Variants in CACNA2D3 observed in about 807,000 individuals in gnomAD.
CACNA2D3 encodes the protein voltage-dependent calcium channel subunit alpha-2/delta-3.
A neutral mutation model predicts 160.6 loss-of-function variants in CACNA2D3; 60 were observed. The ratio of observed to expected loss-of-function variants is 0.37; its 90% confidence interval spans 0.30 to 0.46. The LOEUF (loss-of-function observed/expected upper bound fraction) is 0.46. Among genes scored for constraint, CACNA2D3 ranks in the 20% least tolerant of loss-of-function variants. CACNA2D3 has a pLI of 1.00. For synonymous variants in CACNA2D3, 558 were observed against 492.9 expected (o/e 1.13, Z -1.75); for missense variants, 1,205 against 1,365.0 (o/e 0.88, Z 1.85).
At chr3:54,416,869 A>G (rs1699762471) in intron 4 of CACNA2D3, among the ~76,000 whole-genome samples, 1 of 152,214 alleles carries the variant, frequency 6.6e-6, no homozygotes, top group East Asian at 1.9e-4. Context: ...ACACAGATCT[A>G]TGCTTATAAA....
chr3:54,685,722 T>C (rs979806433), intron 11 of CACNA2D3, among the ~76,000 whole-genome samples: 1 of 152,194 alleles, frequency 6.6e-6, no homozygotes, highest in African/African-American at 2.4e-5. Flanking sequence ...GGCTAGCTAT[T>C]AGTACAGACA....
chr3:54,127,673 T>C (rs1699621982), intron 2 of CACNA2D3, among the ~76,000 whole-genome samples: 1 of 152,252 alleles, frequency 6.6e-6, no homozygotes, highest in Non-Finnish European at 1.5e-5. Flanking sequence ...ATAGCATTAC[T>C]TTAAATACTG....
chr3:54,695,920 A>T (rs1700656155), intron 11 of CACNA2D3, among the ~76,000 whole-genome samples: 1 of 152,186 alleles, frequency 6.6e-6, no homozygotes, highest in African/African-American at 2.4e-5. Context: ...AAGTCAGATG[A>T]TCAGATATTC....
At chr3:54,477,326 G>A (rs184941505) in intron 4 of CACNA2D3, among the ~76,000 whole-genome samples, 13 of 151,828 alleles carry the variant, frequency 8.6e-5, no homozygotes, top group East Asian at 3.9e-4. Context: ...TTAGTAAGTC[G>A]CCAAGCAGTG....
intron 29 of CACNA2D3, among the ~76,000 whole-genome samples, chr3:54,974,234 G>A (rs1452410285): frequency 6.6e-6 from 1 of 152,194 alleles, no homozygotes; most frequent in Non-Finnish European, 1.5e-5. Context: ...CATTTGCTGA[G>A]CAGATGGAAG....
chr3:54,456,250 T>C (rs1270410707), intron 4 of CACNA2D3, among the ~76,000 whole-genome samples: 1 of 152,062 alleles, frequency 6.6e-6, no homozygotes, highest in Non-Finnish European at 1.5e-5. Context: ...GTTCATAGAC[T>C]TCCTTGTAGA....
chr3:54,172,433 T>C lies in CACNA2D3; in HGVS notation c.204+48839T>C, dbSNP rs149174337. 5.3e-3 allele frequency among the ~76,000 whole-genome samples: 808 copies of C among 152,274 alleles called. 12 individuals are homozygous for C. The highest frequency in any genetic ancestry group is 0.019 in the African/African-American group (785 of 41,554). Reference sequence around the variant, plus strand: ...CCTAAATCTAAAGACTCCCTCTCCCTTTGTTGTACATTTTAAAATGTGGTC... The same window carrying C: ...CCTAAATCTAAAGACTCCCTCTCCCCTTGTTGTACATTTTAAAATGTGGTC... On this transcript the variant is annotated intron_variant, in intron 2 of 37. Transcript: ENST00000474759.
chr3:54,785,637 A>G (rs1376769752), intron 13 of CACNA2D3, among the ~76,000 whole-genome samples: 1 of 152,210 alleles, frequency 6.6e-6, no homozygotes, highest in Non-Finnish European at 1.5e-5. Context: ...TTGAGAAGCC[A>G]ACAAGCCTGA....
At chr3:54,187,552 G>A (rs180700491) in intron 2 of CACNA2D3, among the ~76,000 whole-genome samples, 1 of 152,120 alleles carries the variant, frequency 6.6e-6, no homozygotes, top group Non-Finnish European at 1.5e-5. Context: ...CTAGTTGTCT[G>A]TCTGGAATGG....
chr3:55,011,809 A>T (rs1247160702), intron 34 of CACNA2D3, among the ~76,000 whole-genome samples: 1 of 152,214 alleles, frequency 6.6e-6, no homozygotes. Flanking sequence ...AAAATTGCAC[A>T]TGATTTGAAA....
At chr3:54,381,487 A>G (rs1699101887) in intron 3 of CACNA2D3, among the ~76,000 whole-genome samples, 1 of 152,200 alleles carries the variant, frequency 6.6e-6, no homozygotes, top group Admixed American at 6.5e-5. Context: ...ACAAAAACAT[A>G]AAATACATGA....
intron 11 of CACNA2D3, among the ~76,000 whole-genome samples, chr3:54,670,802 CTTTGA>C (rs1164662837): frequency 1.3e-5 from 2 of 152,146 alleles, no homozygotes; most frequent in South Asian, 2.1e-4. Context: ...GACCTGCTTA[CTTTGA>C]TTTATGTTTT....
intron 13 of CACNA2D3, among the ~76,000 whole-genome samples, 189 bp from the exon 14 acceptor site, chr3:54,816,664 C>G (rs964277667): frequency 1.3e-5 from 2 of 152,162 alleles, no homozygotes; most frequent in African/African-American, 4.8e-5. Flanking sequence ...ACCACAAATT[C>G]AGAAAGCAGG....
intron 12 of CACNA2D3, among the ~76,000 whole-genome samples, chr3:54,763,731 A>ATGTG: frequency 1.1e-5 from 1 of 90,588 alleles, no homozygotes; most frequent in Non-Finnish European, 2.6e-5. Flanking sequence ...ATATACATAT[A>ATGTG]TATGTGTATA....
At chr3:54,382,853 A>G (rs1699126892) in intron 3 of CACNA2D3, among the ~76,000 whole-genome samples, 1 of 152,144 alleles carries the variant, frequency 6.6e-6, no homozygotes, top group African/African-American at 2.4e-5. Context: ...AGCTTTTTTT[A>G]TTTTTATTTT....
intron 4 of CACNA2D3, among the ~76,000 whole-genome samples, chr3:54,464,565 GGA>G (rs1331481436): frequency 6.6e-6 from 1 of 152,220 alleles, no homozygotes; most frequent in Non-Finnish European, 1.5e-5. Context: ...CGTGGGCGTA[GGA>G]CCCTCCGAGC....
intron 5 of CACNA2D3, among the ~76,000 whole-genome samples, chr3:54,534,266 C>T (rs956331406): frequency 1.2e-4 from 19 of 152,226 alleles, no homozygotes; most frequent in East Asian, 1.2e-3. Context: ...GTTTTTAATT[C>T]TTCTTTTGTT....
chr3:54,990,639 T>C (rs529510800), intron 31 of CACNA2D3, among the ~76,000 whole-genome samples: 99 of 152,318 alleles, frequency 6.5e-4, no homozygotes, highest in African/African-American at 2.2e-3. Flanking sequence ...CCTCCCTTCA[T>C]AGCCTCCCCT....
intron 3 of CACNA2D3, among the ~76,000 whole-genome samples, chr3:54,350,968 G>GGT (rs1698542647): frequency 1.8e-5 from 1 of 56,134 alleles, no homozygotes; most frequent in Non-Finnish European, 3.5e-5. Context: ...TCTTGAGTCT[G>GGT]TTTTTTTTTT....
Sources: allele counts gnomAD v4.1 joint callset (sites outside exome capture counted in the v4.1 genomes callset), GRCh38; gene constraint gnomAD v4.1.1; transcripts MANE v1.5; gene names NCBI Gene and HGNC (gene_info 2026-07-23, HGNC 2026-07-21).